Variants in DGKG observed in about 807,000 individuals in gnomAD.
DGKG encodes the protein diacylglycerol kinase gamma.
Under a neutral mutation model 105.3 loss-of-function variants are expected in DGKG, and 78 were observed. That is an observed-to-expected ratio of 0.74 (90% CI 0.62 to 0.89). The LOEUF is 0.89. Ranked by LOEUF, DGKG falls within the 40% of genes least tolerant of loss-of-function variation. The pLI, the probability that DGKG is intolerant of heterozygous loss-of-function variation, is 0.00. For synonymous variants in DGKG, 346 were observed against 367.1 expected (o/e 0.94, Z 0.66); for missense variants, 958 against 1,020.1 (o/e 0.94, Z 0.83).
chr3:186,317,404 C>T (rs537397178), intron 2 of DGKG, among the ~76,000 whole-genome samples: 2 of 152,316 alleles, frequency 1.3e-5, no homozygotes, highest in South Asian at 2.1e-4. Flanking sequence ...CTCATTTCCA[C>T]TCAAATCCCA....
At position 186,191,883 on chromosome 3, in the gene DGKG, T is replaced by C. The variant is rs932515387; in HGVS notation, c.1918-3504A>G. Among the ~76,000 whole-genome samples, 85 of 152,268 alleles carry C rather than the reference T, an allele frequency of 5.6e-4. 1 individual carries two copies. The highest frequency in any genetic ancestry group is 1.0e-3 in the Non-Finnish European group (68 of 68,040). ...AAACTGACTCCTTTTTCTTTTCTTT[T>C]CAGTGTGATTCATGACTTCTTAGAA... On this transcript the variant is annotated intron_variant, in intron 21 of 24. Transcript: ENST00000265022.
intron 1 of DGKG, among the ~76,000 whole-genome samples, chr3:186,355,367 T>A (rs1306900729): frequency 1.2e-5 from 1 of 85,630 alleles, no homozygotes. Context: ...CCTACCACCA[T>A]GATCATCACC....
intron 24 of DGKG, among the ~76,000 whole-genome samples, chr3:186,154,082 G>A (rs1490206124): frequency 6.6e-6 from 1 of 152,216 alleles, no homozygotes; most frequent in African/African-American, 2.4e-5. Context: ...GGGTGACAAA[G>A]TGAGACCTTG....
At chr3:186,256,781 C>T (rs1015790314) in intron 17 of DGKG, among the ~76,000 whole-genome samples, 2 of 152,356 alleles carry the variant, frequency 1.3e-5, no homozygotes, top group South Asian at 4.1e-4. Context: ...GCTGTTCCTT[C>T]TGCCTGGACT....
At chr3:186,204,751 T>C (rs78393996) in intron 21 of DGKG, among the ~76,000 whole-genome samples, 177 of 152,274 alleles carry the variant, frequency 1.2e-3, no homozygotes, top group African/African-American at 4.2e-3. Context: ...ACCTCTATGC[T>C]CATGTGCGAG....
At chr3:186,183,168 A>G (rs1717440006) in intron 22 of DGKG, among the ~76,000 whole-genome samples, 1 of 152,168 alleles carries the variant, frequency 6.6e-6, no homozygotes, top group African/African-American at 2.4e-5. Flanking sequence ...TAGACTCCCT[A>G]ACGCATTTTC....
Position 186,253,104 on chromosome 3 carries a change from C to A in DGKG, c.1589G>T (p.Arg530Leu), listed in dbSNP as rs776523308. The stretch of plus-strand genomic sequence containing the variant: ...GCATGCAAACTCACCTCCTCCCCAG[C>A]GGAGACAACGGGCAAGGTCATTTCC... Reference protein sequence around the residue: ...GTGNDLARCLRWGGGYEGGSL... With the variant: ...GTGNDLARCLLWGGGYEGGSL... Residue 530 changes from arginine to leucine, a missense_variant, in exon 18 of 25, where the codon CGC becomes CTC. By Grantham distance (102) the Arg-to-Leu change is moderately radical. Coordinates refer to ENST00000265022, the MANE Select transcript of DGKG (RefSeq NM_001346.3). 9 of 1,614,154 alleles carry A rather than the reference C, an allele frequency of 5.6e-6. No homozygotes were observed. The highest frequency in any genetic ancestry group is 7.6e-6 in the Non-Finnish European group (9 of 1,179,988).
chr3:186,209,895 C>T (rs529743629), intron 21 of DGKG, among the ~76,000 whole-genome samples: 12 of 152,290 alleles, frequency 7.9e-5, no homozygotes, highest in South Asian at 4.1e-4. Flanking sequence ...CAGCCCCACT[C>T]CCCCAGCTAA....
At chr3:186,264,235 C>G (rs1721930380) in intron 14 of DGKG, among the ~76,000 whole-genome samples, 1 of 149,994 alleles carries the variant, frequency 6.7e-6, no homozygotes, top group Non-Finnish European at 1.5e-5. Context: ...AAGATTCTCC[C>G]CTCATTCGGC....
chr3:186,304,365 C>T (rs1476316169), intron 3 of DGKG, among the ~76,000 whole-genome samples: 1 of 152,236 alleles, frequency 6.6e-6, no homozygotes, highest in East Asian at 1.9e-4. Context: ...GTTCTGGCAA[C>T]CTTCTTCCTG....
chr3:186,228,895 A>C (rs1203397155), intron 20 of DGKG, among the ~76,000 whole-genome samples: 2 of 152,250 alleles, frequency 1.3e-5, no homozygotes, highest in South Asian at 4.2e-4. Flanking sequence ...TGTCCCCCCC[A>C]AAAATGATAT....
At chr3:186,280,601 G>A in intron 8 of DGKG, 69 bp downstream of exon 8, 1 of 1,247,344 alleles carries the variant, frequency 8.0e-7, no homozygotes, top group Admixed American at 1.7e-5. Context: ...ACTCATTCAT[G>A]TCTTGAGTGT....
chr3:186,149,984 ATGTG>A lies in DGKG; in HGVS notation c.*102_*105del, dbSNP rs112047120. ...TTCCACTGGTTAGAGAAGAGTGTGT[ATGTG>A]TGTGTGTGTGTGCATGTGTGAGTGT... On this transcript the variant is annotated 3_prime_UTR_variant, in exon 25 of 25. Coordinates refer to ENST00000265022, the MANE Select transcript of DGKG (RefSeq NM_001346.3). 78 of 1,402,574 alleles carry A rather than the reference ATGTG, an allele frequency of 5.6e-5. No homozygotes were observed. The highest frequency in any genetic ancestry group is 6.6e-5 in the Non-Finnish European group (70 of 1,067,384). The allele number at this position is 1,402,574 out of a possible 1,614,324, so 86.9% of individuals were successfully genotyped here.
At chr3:186,318,185 A>G (rs1188606326) in intron 2 of DGKG, among the ~76,000 whole-genome samples, 1 of 151,832 alleles carries the variant, frequency 6.6e-6, no homozygotes, top group African/African-American at 2.4e-5. Context: ...CTGGCTCTAA[A>G]TTTTGCCCAC....
chr3:186,164,368 G>T (rs1485468410), intron 23 of DGKG, among the ~76,000 whole-genome samples: 2 of 152,198 alleles, frequency 1.3e-5, no homozygotes, highest in Non-Finnish European at 2.9e-5. Context: ...AGCCTACAGT[G>T]GCTAACCTGT....
chr3:186,154,644 CAAAAAAAAAA>C (rs60767699), intron 24 of DGKG, among the ~76,000 whole-genome samples: 11 of 39,986 alleles, frequency 2.8e-4, no homozygotes, highest in African/African-American at 5.2e-4. Flanking sequence ...GACTCTGTCT[CAAAAAAAAAA>C]AAAAAAAAAG....
intron 22 of DGKG, among the ~76,000 whole-genome samples, chr3:186,171,279 T>G (rs1013092311): frequency 4.6e-5 from 7 of 152,342 alleles, no homozygotes; most frequent in Admixed American, 4.6e-4. Context: ...ATATGTTTGT[T>G]GAATAAACTG....
chr3:186,332,166 A>G (rs1275905869), intron 1 of DGKG, among the ~76,000 whole-genome samples: 3 of 152,228 alleles, frequency 2.0e-5, no homozygotes. Context: ...AATAAAAACC[A>G]TGGCCTGTTC....
At chr3:186,163,628 G>A (rs1315538426) in intron 23 of DGKG, among the ~76,000 whole-genome samples, 1 of 152,108 alleles carries the variant, frequency 6.6e-6, no homozygotes, top group Non-Finnish European at 1.5e-5. Flanking sequence ...GGCTCTTGAG[G>A]CTGGGGATAG....
Sources: allele counts gnomAD v4.1 joint callset (sites outside exome capture counted in the v4.1 genomes callset), GRCh38; gene constraint gnomAD v4.1.1; transcripts MANE v1.5; gene names NCBI Gene and HGNC (gene_info 2026-07-23, HGNC 2026-07-21).